Variants in TTLL5 observed in about 807,000 individuals in gnomAD.
The protein encoded by TTLL5 is tubulin polyglutamylase TTLL5.
In TTLL5, 132 loss-of-function variants were observed where a neutral mutation model predicts 168.4. That is an observed-to-expected ratio of 0.78 (90% CI 0.68 to 0.91). TTLL5 has a LOEUF of 0.91. Among genes scored for constraint, TTLL5 ranks in the 40% least tolerant of loss-of-function variants. The pLI is 0.00. For synonymous variants in TTLL5, 546 were observed against 558.6 expected, an observed-to-expected ratio of 0.98 and a Z score of 0.32; for missense variants, 1,545 against 1,581.5, an observed-to-expected ratio of 0.98 and a Z score of 0.39.
At chr14:75,826,357 A>C (rs1895136187) in intron 28 of TTLL5, among the ~76,000 whole-genome samples, 1 of 150,610 alleles carries the variant, frequency 6.6e-6, no homozygotes, top group African/African-American at 2.5e-5. Context: ...GGCAAAACCT[A>C]TGTGAATATA....
chr14:75,881,443 G>A (rs953035828), intron 29 of TTLL5, among the ~76,000 whole-genome samples: 1 of 152,122 alleles, frequency 6.6e-6, no homozygotes, highest in Non-Finnish European at 1.5e-5. Flanking sequence ...CTTAGCCTAC[G>A]ACCTTTGACA....
chr14:75,810,822 A>G (rs573795284), intron 27 of TTLL5, among the ~76,000 whole-genome samples: 1 of 152,308 alleles, frequency 6.6e-6, no homozygotes, highest in East Asian at 1.9e-4. Context: ...AAATATACAC[A>G]TTGTGTGCAC....
chr14:75,740,298 A>G (rs1016428090), intron 15 of TTLL5, among the ~76,000 whole-genome samples: 1 of 152,150 alleles, frequency 6.6e-6, no homozygotes, highest in Non-Finnish European at 1.5e-5. Flanking sequence ...ATTATCCTCT[A>G]AGTTATTAGG....
intron 28 of TTLL5, among the ~76,000 whole-genome samples, chr14:75,853,557 G>A (rs1566631538): frequency 6.6e-6 from 1 of 152,190 alleles, no homozygotes; most frequent in African/African-American, 2.4e-5. Flanking sequence ...AACTGCTTAG[G>A]CATGTATCTT....
chr14:75,907,609 C>CA (rs1263851118), intron 31 of TTLL5, among the ~76,000 whole-genome samples: 5 of 152,330 alleles, frequency 3.3e-5, no homozygotes, highest in Admixed American at 2.0e-4. Flanking sequence ...CAGCAAGCTT[C>CA]AAATATCTTT....
At chr14:75,857,322 T>C (rs1378196064) in intron 28 of TTLL5, among the ~76,000 whole-genome samples, 2 of 152,208 alleles carry the variant, frequency 1.3e-5, no homozygotes, top group African/African-American at 4.8e-5. Context: ...CTTGCATTCC[T>C]ATGGTAAATG....
At chr14:75,790,932 T>TAA (rs778260505) in intron 26 of TTLL5, among the ~76,000 whole-genome samples, 40 of 97,342 alleles carry the variant, frequency 4.1e-4, no homozygotes, top group African/African-American at 1.3e-3. Context: ...CCATCTCTAC[T>TAA]AAAAAAAAAA....
chr14:75,678,549 CTACTG>C (rs2140110958), intron 3 of TTLL5, among the ~76,000 whole-genome samples: 1 of 152,248 alleles, frequency 6.6e-6, no homozygotes, highest in South Asian at 2.1e-4. Context: ...TTTCCTTAGT[CTACTG>C]TACAGCCATT....
intron 6 of TTLL5, 143 bp from the exon 7 acceptor site, chr14:75,699,045 T>C (rs1886072405): frequency 1.5e-6 from 1 of 677,162 alleles, no homozygotes; most frequent in Admixed American, 2.7e-5. Context: ...ACAGGTAATT[T>C]TAGTTACTGC....
At chr14:75,895,965 A>G (rs1325971631) in intron 30 of TTLL5, among the ~76,000 whole-genome samples, 2 of 152,148 alleles carry the variant, frequency 1.3e-5, no homozygotes, top group Non-Finnish European at 2.9e-5. Context: ...TAATGAATAA[A>G]AAGAGAAAAG....
At position 75,827,532 on chromosome 14, in the gene TTLL5, C is replaced by T. The variant is rs1479417797; in HGVS notation, c.3326+7371C>T. Among the ~76,000 whole-genome samples, 8 of 151,990 alleles carry T rather than the reference C, an allele frequency of 5.3e-5. 1 individual carries two copies. The highest frequency in any genetic ancestry group is 5.2e-4 in the Admixed American group (8 of 15,242). On this transcript the variant is annotated intron_variant, in intron 28 of 31. Coordinates refer to ENST00000298832, the MANE Select transcript of TTLL5 (RefSeq NM_015072.5). Reference sequence around the variant, plus strand: ...GAGAGCTTAGGGATTTGAAATGTCACAACATATGGCAGGCCCAGGTGTTCA... The same window carrying T: ...GAGAGCTTAGGGATTTGAAATGTCATAACATATGGCAGGCCCAGGTGTTCA...
rs1476996356 is a variant in TTLL5, at chr14:75,902,129, C to T, written c.3741-13C>T. 1 of 1,614,110 alleles carries T rather than the reference C, an allele frequency of 6.2e-7. No homozygotes were observed. The highest frequency in any genetic ancestry group is 1.7e-5 in the Admixed American group (1 of 60,020). On this transcript the variant is annotated splice_polypyrimidine_tract_variant and intron_variant, in intron 30 of 31. Transcript: ENST00000298832. ...TCCGCCTGCAGGTCTGACCAAGCTC[C>T]TTTGTGTTTCAGAGGGTCCTCCGCG...
At chr14:75,686,712 T>A (rs1327679216) in intron 5 of TTLL5, among the ~76,000 whole-genome samples, 2 of 149,756 alleles carry the variant, frequency 1.3e-5, no homozygotes, top group Admixed American at 1.3e-4. Flanking sequence ...TAACTCAGAA[T>A]TTTTTTTTTG....
intron 27 of TTLL5, among the ~76,000 whole-genome samples, chr14:75,813,270 TTGTGTGTGTGTGTGTGTGTGTGTGTGTG>T (rs58821426): frequency 4.6e-5 from 6 of 130,618 alleles, no homozygotes; most frequent in East Asian, 2.2e-4. Flanking sequence ...GTGTGTGTGT[TTGTGTGTGTGTGTGTGTGTGTGTGTGTG>T]TGTGTGTGTG....
At position 75,946,675 on chromosome 14, in the gene TTLL5, T is replaced by C. The variant is rs2140208930; in HGVS notation, c.3824-7749T>C. On this transcript the variant is annotated intron_variant, in intron 31 of 31. Transcript: ENST00000298832. ...GAGCAAAACAGCCAAAAATCCCCAA[T>C]AGGAGAGACAAACAACAGACCAAAT... is the stretch of plus-strand genomic sequence containing the variant. 2.0e-5 allele frequency among the ~76,000 whole-genome samples: 3 copies of C among 149,094 alleles called. No homozygotes were observed. The South Asian group carries it at 6.4e-4, about 32-fold the overall frequency.
At chr14:75,827,557 A>G (rs1360237284) in intron 28 of TTLL5, among the ~76,000 whole-genome samples, 2 of 152,086 alleles carry the variant, frequency 1.3e-5, no homozygotes, top group Non-Finnish European at 2.9e-5. Context: ...CCAGGTGTTC[A>G]TTATAAGTTA....
At chr14:75,722,525 C>T (rs752541257) in intron 12 of TTLL5, among the ~76,000 whole-genome samples, 4 of 152,190 alleles carry the variant, frequency 2.6e-5, no homozygotes, top group Non-Finnish European at 5.9e-5. Context: ...TATACATACA[C>T]TCAGCCGTGT....
At chr14:75,851,314 A>G (rs540206317) in intron 28 of TTLL5, among the ~76,000 whole-genome samples, 2 of 152,282 alleles carry the variant, frequency 1.3e-5, no homozygotes, top group South Asian at 2.1e-4. Context: ...TGGATCACGG[A>G]TGAATTTCTC....
At chr14:75,850,785 G>T (rs758553174) in intron 28 of TTLL5, among the ~76,000 whole-genome samples, 2 of 151,998 alleles carry the variant, frequency 1.3e-5, no homozygotes, top group Admixed American at 1.3e-4. Flanking sequence ...GACTTTAAGG[G>T]TTTAGGTTGA....
Sources: allele counts gnomAD v4.1 joint callset (sites outside exome capture counted in the v4.1 genomes callset), GRCh38; gene constraint gnomAD v4.1.1; transcripts MANE v1.5; gene names NCBI Gene and HGNC (gene_info 2026-07-23, HGNC 2026-07-21).